CLUH: variants seen among roughly 807,000 people sequenced by gnomAD.
CLUH encodes CLUH binding protein of NUMT mRNA.
Under a neutral mutation model 139.3 loss-of-function variants are expected in CLUH, and 77 were observed. The observed-to-expected ratio is 0.55, with a 90% CI of 0.46 to 0.67. CLUH has a LOEUF of 0.67. CLUH is among the 30% of genes least tolerant of loss of function. CLUH has a pLI of 0.00. For synonymous variants in CLUH, 999 were observed against 801.6 expected (o/e 1.25, Z -4.16); for missense variants, 1,876 against 1,875.8 (o/e 1.00, Z 0.00).
At position 2,692,651 on chromosome 17, in the gene CLUH, C is replaced by T. The variant is rs372755886; in HGVS notation, c.3358G>A (p.Ala1120Thr). The T allele has an allele frequency of 2.6e-5, 42 of 1,612,530 alleles. No homozygotes were observed. In the African/African-American group the frequency reaches 4.8e-4, roughly 18 times the overall value. ...CGGGCGCGGTACAGCAGGCTCAGGGCGGTGGACAGCTGGCTGCTGGCGAAG... is the reference window on the plus strand; with the variant it reads ...CGGGCGCGGTACAGCAGGCTCAGGGTGGTGGACAGCTGGCTGCTGGCGAAG... ...YCFASSQLST[A>T]LSLLYRARYL... The change falls in exon 21 of 26, where the codon GCC (alanine) becomes ACC (threonine). Residue 1120 changes from alanine to threonine, a missense_variant. Ala to Thr is a moderately conservative substitution (Grantham distance 58, BLOSUM62 0). Coordinates refer to ENST00000651024, the MANE Select transcript of CLUH (RefSeq NM_001366661.1).
intron 1 of CLUH, among the ~76,000 whole-genome samples, chr17:2,705,028 G>A (rs2070310766): frequency 6.6e-6 from 1 of 152,144 alleles, no homozygotes; most frequent in African/African-American, 2.4e-5. Flanking sequence ...CCTAGGCCCA[G>A]CCTCTCCTGT....
chr17:2,696,128 G>T, intron 13 of CLUH, 31 bp downstream of exon 13: 1 of 1,505,600 alleles, frequency 6.6e-7, no homozygotes, highest in Middle Eastern at 1.9e-4. Flanking sequence ...CTCCACACAA[G>T]CCCCACCCAG....
intron 19 of CLUH, among the ~76,000 whole-genome samples, chr17:2,693,636 A>G (rs1380966180): frequency 6.6e-6 from 1 of 152,050 alleles, no homozygotes; most frequent in Non-Finnish European, 1.5e-5. Context: ...CCACTCACGG[A>G]GTCTCAGGAG....
rs373948591 is a variant in CLUH at position 2,698,378 on chromosome 17, G to A, written c.1479C>T (p.Gly493=). The A allele has an allele frequency of 8.7e-6, 14 of 1,613,042 alleles. No homozygotes were observed. Among genetic ancestry groups the A allele is most frequent in the East Asian group, 4.5e-5 (2 of 44,870 alleles). The change falls in exon 10 of 26, where the codon GGC becomes GGT. Residue 493 remains glycine (G), a synonymous_variant. Coordinates refer to ENST00000651024, the MANE Select transcript of CLUH (RefSeq NM_001366661.1). ...CGTCCACCGCGTTGTACGTGCGGAC[G>A]CCATTCAGGTCGTTGGTGGGCGCCA... ...AYVAPTNDLN[G]VRTYNAVDVE...
At position 2,695,344 on chromosome 17, in the gene CLUH, C is replaced by T. The variant is rs371018202; in HGVS notation, c.2544+30G>A. ...GGCCTCCATCCCAGTCCCACAGCTC[C>T]CGTTCCGCCCCACCCCGGGCAGCAC... On this transcript the variant is annotated intron_variant, in intron 14 of 25. Transcript: ENST00000651024. 143 of 1,613,224 alleles carry T rather than the reference C, an allele frequency of 8.9e-5. 1 individual carries two copies. In the South Asian group the frequency reaches 1.3e-3, roughly 14 times the overall value.
rs1597634735 is a variant in CLUH at position 2,711,690 on chromosome 17, T to C, written c.-29A>G. ...GGCGGGAGCGGGCGTCCGCCTCGGC[T>C]GTCCGCGCCGCCCGCCGCGCCACTA... On this transcript the variant is annotated 5_prime_UTR_variant, in exon 1 of 26. Transcript: ENST00000651024. The C allele has an allele frequency of 1.1e-6, 1 of 934,536 alleles. No homozygotes were observed. The highest frequency in any genetic ancestry group is 1.3e-6 in the Non-Finnish European group (1 of 783,634). The allele number at this position is 934,536 out of a possible 1,614,324, so 57.9% of individuals were successfully genotyped here. A position where few individuals can be genotyped will look rare whatever the true frequency, so the allele number is the denominator to read the frequency against.
At chr17:2,692,283 A>G in intron 22 of CLUH, 78 bp downstream of exon 22, 1 of 1,466,700 alleles carries the variant, frequency 6.8e-7, no homozygotes, top group South Asian at 1.3e-5. Context: ...AGACAGGAGC[A>G]CTGGGTCTCT....
intron 1 of CLUH, among the ~76,000 whole-genome samples, chr17:2,710,538 T>TG (rs1435550474): frequency 6.6e-6 from 1 of 152,092 alleles, no homozygotes; most frequent in South Asian, 2.1e-4. Flanking sequence ...AGGGAGGGAC[T>TG]GGGGGACAGG....
Position 2,698,703 on chromosome 17 carries a change from C to G in CLUH, c.1267-113G>C, listed in dbSNP as rs945066608. On this transcript the variant is annotated intron_variant, in intron 9 of 25. Coordinates refer to ENST00000651024, the MANE Select transcript of CLUH (RefSeq NM_001366661.1). ...AGGCAACCGGGCCTGCCTTGGAAAC[C>G]CAAGGACCCGGAGCCTCAGTTTCCT... 4.6e-5 allele frequency: 45 copies of G among 988,514 alleles called. No homozygotes were observed. In the African/African-American group the frequency reaches 6.4e-4, roughly 14 times the overall value. The allele number at this position is 988,514 out of a possible 1,614,324, so 61.2% of individuals were successfully genotyped here.
chr17:2,694,822 T>TTG, intron 16 of CLUH, 35 bp downstream of exon 16: 1 of 1,346,336 alleles, frequency 7.4e-7, no homozygotes, highest in Non-Finnish European at 1.0e-6. Flanking sequence ...ATCTGCCCAA[T>TTG]CCCACCCACC....
intron 3 of CLUH, among the ~76,000 whole-genome samples, chr17:2,702,486 C>CTTG (rs2151716128): frequency 6.6e-6 from 1 of 152,348 alleles, no homozygotes; most frequent in Non-Finnish European, 1.5e-5. Flanking sequence ...AATGTCAACA[C>CTTG]TGCCCCTATG....
chr17:2,700,926 C>T, intron 7 of CLUH, 101 bp from the exon 8 acceptor site: 2 of 1,447,178 alleles, frequency 1.4e-6, no homozygotes, highest in Admixed American at 5.0e-5. Flanking sequence ...GCATCTCCCA[C>T]CCTGAGACAC....
In CLUH at chr17:2,701,233, G is replaced by A; in HGVS notation, c.932C>T (p.Ala311Val). The change falls in exon 7 of 26, where the codon GCC becomes GTC. Residue 311 changes from alanine (A) to valine (V), a missense_variant. Ala to Val is a moderately conservative substitution (Grantham distance 64). This residue lies in a region of CLUH where 270 missense variants were observed against 354.7 expected (regional missense o/e 0.76). Transcript: ENST00000651024. ...GGAATGGCTTAGGAAGCGGGGGCTG[G>A]CGGGCTTGGGGTTGAAGTGATAAGC... ...STAYHFNPKP[A>V]SPRFLSHSLV... The A allele has an allele frequency of 1.2e-6, 2 of 1,613,650 alleles. No homozygotes were observed. The highest frequency in any genetic ancestry group is 1.7e-6 in the Non-Finnish European group (2 of 1,179,776).
chr17:2,696,727 T>C lies in CLUH; in HGVS notation c.2177A>G (p.Asp726Gly). ...KELAETIAAD[D>G]GTADPRSREV... ...ATCTGCAGCAGCCCCACCTGTGCCG[T>C]CGTCTGCGGCGATGGTCTCTGCCAG... The change falls in exon 11 of 26, where the codon GAC (aspartate) becomes GGC (glycine). Residue 726 changes from aspartate to glycine, a missense_variant. Physicochemically the swap from Asp to Gly is moderately conservative, Grantham distance 94. Around this residue, in one of 3 missense-constraint regions of CLUH, gnomAD observed 1,454 missense variants for 1,384.4 expected, o/e 1.05. Coordinates refer to ENST00000651024, the MANE Select transcript of CLUH (RefSeq NM_001366661.1). The C allele has an allele frequency of 6.2e-7, 1 of 1,611,896 alleles. No homozygotes were observed. The highest frequency in any genetic ancestry group is 8.5e-7 in the Non-Finnish European group (1 of 1,179,792).
At position 2,700,748 on chromosome 17, in the gene CLUH, G is replaced by T; in HGVS notation, c.1103C>A (p.Ala368Asp). The change falls in exon 8 of 26, where the codon GCC (alanine) becomes GAC (aspartate). Residue 368 changes from alanine to aspartate, a missense_variant. Coordinates refer to ENST00000651024, the MANE Select transcript of CLUH (RefSeq NM_001366661.1). Reference protein sequence around the residue: ...YSWTAPQAEHAMDCVRAEDAY... With the variant: ...YSWTAPQAEHDMDCVRAEDAY... ...GTCCTCTGCACGCACGCAATCCATG[G>T]CATGCTCCGCCTGGGGGGCTGTCCA... 1 of 1,545,542 alleles carries T rather than the reference G, an allele frequency of 6.5e-7. No homozygotes were observed.
At chr17:2,709,290 G>A (rs734957) in intron 1 of CLUH, among the ~76,000 whole-genome samples, 36,909 of 152,046 alleles carry the variant, frequency 0.24, 4,580 homozygotes, top group Middle Eastern at 0.35. Flanking sequence ...CACCCGTCCC[G>A]GGAGCCCAGG....
intron 10 of CLUH, among the ~76,000 whole-genome samples, chr17:2,697,172 C>T (rs1006933058): frequency 2.0e-5 from 3 of 152,094 alleles, no homozygotes; most frequent in Non-Finnish European, 1.5e-5. Context: ...ACGAGGCAGG[C>T]AGATCACTTG....
Position 2,690,565 on chromosome 17 carries a change from G to C in CLUH, c.*29C>G. ...AGTCGGGCTCCCTGGTGACGGGGCC[G>C]CTGGCTGGCTGTCCGTCTGGCTCCC... On this transcript the variant is annotated 3_prime_UTR_variant, in exon 26 of 26. Transcript: ENST00000651024. The C allele has an allele frequency of 7.0e-7, 1 of 1,419,912 alleles. No homozygotes were observed. The highest frequency in any genetic ancestry group is 9.2e-7 in the Non-Finnish European group (1 of 1,082,670). The allele number at this position is 1,419,912 out of a possible 1,614,324, so 88.0% of individuals were successfully genotyped here.
intron 13 of CLUH, 175 bp downstream of exon 13, chr17:2,695,984 G>A (rs562888856): frequency 1.9e-5 from 12 of 616,750 alleles, no homozygotes; most frequent in East Asian, 1.4e-4. Context: ...AGCAGGGCCT[G>A]TGCCCTTGAC....
Sources: gnomAD v4.1 joint callset for allele counts (sites outside exome capture counted in the v4.1 genomes callset) on GRCh38, gnomAD v4.1.1 for gene constraint, gnomAD v4.1.1 regional missense constraint, MANE v1.5 for transcripts, NCBI Gene and HGNC (gene_info 2026-07-23, HGNC 2026-07-21) for gene names.